GPHN: variants seen among roughly 807,000 people sequenced by gnomAD.
GPHN encodes the protein gephyrin.
Under a neutral mutation model 95.5 loss-of-function variants are expected in GPHN, and 17 were observed. The ratio of observed to expected loss-of-function variants is 0.18; its 90% CI spans 0.12 to 0.27. The LOEUF (loss-of-function observed/expected upper bound fraction) is 0.27. Ranked by LOEUF, GPHN falls within the 10% of genes least tolerant of loss-of-function variation. The probability of loss-of-function intolerance (pLI) is 1.00; values close to 1 mark genes in which losing one functional copy is unlikely to be tolerated. For missense variants in GPHN, 660 were observed against 978.1 expected (o/e 0.67, Z 4.34); for synonymous variants, 320 against 322.5 (o/e 0.99, Z 0.08).
intron 1 of GPHN, among the ~76,000 whole-genome samples, chr14:66,514,538 C>T (rs1359800232): frequency 6.6e-6 from 1 of 151,884 alleles, no homozygotes; most frequent in Non-Finnish European, 1.5e-5. Context: ...AGCATTCTGA[C>T]CAGCAGGAAA....
chr14:66,511,257 G>A (rs997323917), intron 1 of GPHN, among the ~76,000 whole-genome samples: 1 of 152,098 alleles, frequency 6.6e-6, no homozygotes, highest in African/African-American at 2.4e-5. Flanking sequence ...TCTAGAACTT[G>A]AGGTTTTGCA....
rs566078367 is a variant in GPHN at position 66,713,456 on chromosome 14, A to G, written c.143+32271A>G. On this transcript the variant is annotated intron_variant, in intron 2 of 22. Transcript: ENST00000478722. ...ATCAGTTGGCTAAGTATTTGGGTTT[A>G]TTCCTGGTTTCTCTATTCTGTTGCA... 4.1e-4 allele frequency among the ~76,000 whole-genome samples: 63 copies of G among 152,164 alleles called. 1 individual carries two copies. The South Asian group carries it at 0.013, about 31-fold the overall frequency.
At chr14:67,496,724 TTCTC>T in the GPHN span, among the ~76,000 whole-genome samples, 22 of 147,976 alleles carry the variant, frequency 1.5e-4, no homozygotes, top group Middle Eastern at 6.9e-3. Context: ...TTTTCTTTCT[TTCTC>T]TCTCTCTCTC....
intron 9 of GPHN, among the ~76,000 whole-genome samples, chr14:67,011,286 T>G (rs147221102): frequency 6.6e-6 from 1 of 151,978 alleles, no homozygotes; most frequent in Admixed American, 6.6e-5. Flanking sequence ...AAACAGAATA[T>G]TAAAGGCCTG....
At chr14:67,013,086 T>G in intron 9 of GPHN, among the ~76,000 whole-genome samples, 1 of 152,136 alleles carries the variant, frequency 6.6e-6, no homozygotes, top group Non-Finnish European at 1.5e-5. Flanking sequence ...AGCACCTAGA[T>G]AAGAGCCTGG....
At chr14:67,299,380 TAA>T in the GPHN span, among the ~76,000 whole-genome samples, 1 of 152,210 alleles carries the variant, frequency 6.6e-6, no homozygotes, top group African/African-American at 2.4e-5. Flanking sequence ...CTAAGTATAA[TAA>T]AAGTCCATTC....
At chr14:66,987,708 C>T (rs1000545854) in intron 9 of GPHN, among the ~76,000 whole-genome samples, 2 of 151,890 alleles carry the variant, frequency 1.3e-5, no homozygotes, top group Non-Finnish European at 2.9e-5. Context: ...TTCTCTAATG[C>T]TTTGGGGAGA....
intron 1 of GPHN, among the ~76,000 whole-genome samples, chr14:66,645,559 G>T (rs772200440): frequency 1.5e-4 from 23 of 151,872 alleles, no homozygotes; most frequent in Non-Finnish European, 2.2e-4. Flanking sequence ...AGCCGTGGTG[G>T]TGGGCACTTG....
chr14:67,259,041 C>T, the GPHN span, among the ~76,000 whole-genome samples: 3,158 of 151,436 alleles, frequency 0.021, 118 homozygotes, highest in African/African-American at 0.073. Context: ...CAGGCTTTCA[C>T]TATGTTGGTC....
the GPHN span, chr14:67,473,953 G>A: frequency 4.1e-3 from 6,383 of 1,573,576 alleles, 186 homozygotes; most frequent in African/African-American, 0.066. This position sits in a 1 kb window ranked among gnomAD's most constrained non-coding sequence, Gnocchi z 6.5. Context: ...TGCGGGGGGC[G>A]CAAGAGAGAC....
At chr14:67,011,226 A>G (rs1386959717) in intron 9 of GPHN, among the ~76,000 whole-genome samples, 3 of 152,234 alleles carry the variant, frequency 2.0e-5, no homozygotes, top group African/African-American at 7.2e-5. Context: ...AAACTGAACA[A>G]TTGTGACAAA....
intron 10 of GPHN, among the ~76,000 whole-genome samples, chr14:67,026,170 G>A (rs924970376): frequency 5.9e-5 from 9 of 152,058 alleles, no homozygotes; most frequent in African/African-American, 2.2e-4. Flanking sequence ...TTCCTGATCT[G>A]TAAAATGTGG....
chr14:67,298,736 G>A, the GPHN span, among the ~76,000 whole-genome samples: 1 of 152,056 alleles, frequency 6.6e-6, no homozygotes. Flanking sequence ...TGACATATAT[G>A]TACATCTGTA....
At chr14:67,288,445 G>C in the GPHN span, among the ~76,000 whole-genome samples, 2 of 152,050 alleles carry the variant, frequency 1.3e-5, no homozygotes, top group African/African-American at 4.8e-5. Flanking sequence ...TAATCCTAGC[G>C]CTTTGGGTGG....
At chr14:66,572,221 T>C (rs1473174181) in intron 1 of GPHN, among the ~76,000 whole-genome samples, 2 of 152,188 alleles carry the variant, frequency 1.3e-5, no homozygotes, top group African/African-American at 4.8e-5. Flanking sequence ...TTGCTCAAGA[T>C]TGTTTTCCTA....
the GPHN span, among the ~76,000 whole-genome samples, chr14:67,670,301 C>T: frequency 5.3e-5 from 8 of 152,010 alleles, no homozygotes; most frequent in African/African-American, 4.8e-5. Flanking sequence ...CACTGAGATC[C>T]CCTCACAATC....
intron 4 of GPHN, among the ~76,000 whole-genome samples, chr14:66,855,312 C>A (rs778258940): frequency 1.3e-5 from 2 of 152,094 alleles, no homozygotes; most frequent in African/African-American, 4.8e-5. Flanking sequence ...CCCTGGTAAC[C>A]TTTAATCTAC....
chr14:67,083,527 T>G (rs760383924), intron 11 of GPHN, among the ~76,000 whole-genome samples: 1 of 152,206 alleles, frequency 6.6e-6, no homozygotes, highest in Non-Finnish European at 1.5e-5. Flanking sequence ...ATTAAACCTC[T>G]TATCTTTATA....
At chr14:67,368,544 G>A in the GPHN span, among the ~76,000 whole-genome samples, 2 of 152,162 alleles carry the variant, frequency 1.3e-5, no homozygotes, top group Non-Finnish European at 2.9e-5. Flanking sequence ...TGGATGCCAA[G>A]TAGTTAAATA....
Sources: gnomAD v4.1 joint callset for allele counts (sites outside exome capture counted in the v4.1 genomes callset) on GRCh38, gnomAD v4.1.1 for gene constraint, Gnocchi (gnomAD v3.1) non-coding constraint, MANE v1.5 for transcripts, NCBI Gene and HGNC (gene_info 2026-07-23, HGNC 2026-07-21) for gene names.